The following ITGA1 variants were observed in gnomAD, a reference collection of about 807,000 sequenced individuals.
ITGA1 encodes integrin alpha-1.
A neutral mutation model predicts 145.9 loss-of-function variants in ITGA1; 85 were observed. That is an observed-to-expected ratio of 0.58 (90% CI 0.49 to 0.70). The LOEUF is 0.70. ITGA1 is among the 30% of genes least tolerant of loss of function. The probability of loss-of-function intolerance (pLI) is 0.00; values close to 1 mark genes in which losing one functional copy is unlikely to be tolerated. For synonymous variants in ITGA1, 520 were observed against 495.3 expected (o/e 1.05, Z -0.66); for missense variants, 1,351 against 1,418.7 (o/e 0.95, Z 0.77).
intron 1 of ITGA1, among the ~76,000 whole-genome samples, chr5:52,798,107 CT>C (rs199573378): frequency 6.6e-6 from 1 of 152,168 alleles, no homozygotes; most frequent in African/African-American, 2.4e-5. Context: ...TAACAAGATA[CT>C]TTTTTTAAAA....
chr5:52,851,231 T>C (rs1749426963), intron 2 of ITGA1, among the ~76,000 whole-genome samples: 1 of 152,202 alleles, frequency 6.6e-6, no homozygotes, highest in South Asian at 2.1e-4. Context: ...TCTTATCCAG[T>C]CCTGTCTCTG....
intron 1 of ITGA1, among the ~76,000 whole-genome samples, chr5:52,836,814 A>G (rs1252505533): frequency 6.6e-6 from 1 of 152,164 alleles, no homozygotes; most frequent in Non-Finnish European, 1.5e-5. Context: ...TTGTTGAAAT[A>G]GTTAAGAAAA....
chr5:52,887,362 A>G (rs1156426300), intron 7 of ITGA1, among the ~76,000 whole-genome samples: 3 of 152,136 alleles, frequency 2.0e-5, no homozygotes, highest in Non-Finnish European at 4.4e-5. Flanking sequence ...GAGCCATTCT[A>G]CAAATGTCAG....
At chr5:52,883,534 T>G (rs1373555009) in intron 7 of ITGA1, among the ~76,000 whole-genome samples, 1 of 152,250 alleles carries the variant, frequency 6.6e-6, no homozygotes, top group Non-Finnish European at 1.5e-5. Flanking sequence ...ACATTTTAAT[T>G]GTTTTTTATT....
intron 8 of ITGA1, among the ~76,000 whole-genome samples, chr5:52,888,417 G>C (rs189097299): frequency 6.6e-6 from 1 of 152,124 alleles, no homozygotes; most frequent in Non-Finnish European, 1.5e-5. Context: ...TCCCTTCCCC[G>C]TCTGAGCAAT....
chr5:52,897,481 T>G lies in ITGA1; in HGVS notation c.1117T>G (p.Phe373Val). The G allele has an allele frequency of 6.2e-7, 1 of 1,613,160 alleles. No homozygotes were observed. Among genetic ancestry groups the G allele is most frequent in the Non-Finnish European group, 8.5e-7 (1 of 1,179,266 alleles). ...CACAGCTGACCAGTCAGCAGCTTCA[T>G]TTGAAATGGAAATGTCTCAGACTGG... ...EATADQSAASFEMEMSQTGFS... is the reference protein window; with the variant it reads ...EATADQSAASVEMEMSQTGFS... The change falls in exon 10 of 29, where the codon TTT becomes GTT. Residue 373 changes from phenylalanine to valine, a missense_variant. Physicochemically the swap from Phe to Val is conservative, Grantham distance 50 (BLOSUM62 -1). Transcript: ENST00000282588.
At chr5:52,910,983 GTATACTATATATAGTATGTATACTGTA>G (rs1239132771) in intron 14 of ITGA1, among the ~76,000 whole-genome samples, 1,913 of 66,016 alleles carry the variant, frequency 0.029, 50 homozygotes, top group African/African-American at 0.11. Context: ...TATATAGTAT[GTATACTATATATAGTATGTATACTGTA>G]TATACTATAT....
At chr5:52,909,267 C>A (rs943115806) in intron 13 of ITGA1, among the ~76,000 whole-genome samples, 2 of 151,920 alleles carry the variant, frequency 1.3e-5, no homozygotes, top group Non-Finnish European at 2.9e-5. Context: ...TTATGTTTAA[C>A]AATATATAGG....
At chr5:52,923,138 T>A (rs78462211) in intron 18 of ITGA1, among the ~76,000 whole-genome samples, 2,266 of 152,090 alleles carry the variant, frequency 0.015, 66 homozygotes, top group African/African-American at 0.051. Flanking sequence ...GGCAGGGAGG[T>A]ATATGTAAGC....
At chr5:52,833,048 T>G (rs1440670535) in intron 1 of ITGA1, among the ~76,000 whole-genome samples, 2 of 151,746 alleles carry the variant, frequency 1.3e-5, no homozygotes, top group East Asian at 3.9e-4. Flanking sequence ...AAAAATTAGC[T>G]GGGCATGGTG....
At chr5:52,911,591 CTACTATATATACTATAT>C (rs1750536964) in intron 14 of ITGA1, among the ~76,000 whole-genome samples, 2 of 58,580 alleles carry the variant, frequency 3.4e-5, no homozygotes, top group Non-Finnish European at 7.3e-5. Flanking sequence ...TATAGTGTAT[CTACTATATATACTATAT>C]ATATAGTGTA....
chr5:52,915,783 C>A (rs1445066273), intron 15 of ITGA1, among the ~76,000 whole-genome samples, 189 bp downstream of exon 15: 1 of 152,098 alleles, frequency 6.6e-6, no homozygotes, highest in African/African-American at 2.4e-5. Context: ...ATGAAAGAAA[C>A]AAGTAGAATG....
intron 23 of ITGA1, among the ~76,000 whole-genome samples, 191 bp downstream of exon 23, chr5:52,934,187 C>A (rs1231155074): frequency 6.7e-6 from 1 of 149,406 alleles, no homozygotes; most frequent in African/African-American, 2.4e-5. Context: ...TTATATTTTT[C>A]TTTATAATTT....
chr5:52,905,798 G>A lies in ITGA1; in HGVS notation c.1345G>A (p.Asp449Asn). 1.2e-6 allele frequency: 2 copies of A among 1,613,500 alleles called. No individual in the cohort carries two copies. The highest frequency in any genetic ancestry group is 1.7e-5 in the Admixed American group (1 of 60,010). Reference sequence around the variant, plus strand: ...AAACTCTGCTACTGCTTCTTCTGGAGATGTGCTCTATATTGCTGGACAGCC... The same window carrying A: ...AAACTCTGCTACTGCTTCTTCTGGAAATGTGCTCTATATTGCTGGACAGCC... ...TVNSATASSG[D>N]VLYIAGQPRY... Residue 449 changes from aspartate (D) to asparagine (N), a missense_variant, in exon 12 of 29, where the codon GAT becomes AAT. Physicochemically the swap from Asp to Asn is conservative, Grantham distance 23. Transcript: ENST00000282588.
chr5:52,860,321 G>T (rs1265243294), intron 2 of ITGA1, among the ~76,000 whole-genome samples: 2 of 152,202 alleles, frequency 1.3e-5, no homozygotes, highest in Non-Finnish European at 2.9e-5. Context: ...GCCAAGGTGG[G>T]CGGATCACGT....
At chr5:52,939,311 T>C (rs1390780755) in intron 24 of ITGA1, among the ~76,000 whole-genome samples, 1 of 152,270 alleles carries the variant, frequency 6.6e-6, no homozygotes, top group Admixed American at 6.5e-5. Context: ...AATCACGTAA[T>C]AGTAAGTTCT....
chr5:52,802,627 A>G (rs1358831201), intron 1 of ITGA1: 1 of 152,220 alleles, frequency 6.6e-6, no homozygotes, highest in Non-Finnish European at 1.5e-5. Flanking sequence ...ATTAGTGGCA[A>G]AGCTGGAAGT....
rs573323435 is a variant in ITGA1, at chr5:52,800,018, C to G, written c.61+11604C>G. 475 of 281,350 alleles carry G rather than the reference C, an allele frequency of 1.7e-3. 2 individuals are homozygous for G. The highest frequency in any genetic ancestry group is 0.01 in the African/African-American group (460 of 45,000). 17.4% of individuals were successfully genotyped at this position (281,350 alleles called of 1,614,324 possible). On this transcript the variant is annotated intron_variant, in intron 1 of 28. Coordinates refer to ENST00000282588, the MANE Select transcript of ITGA1 (RefSeq NM_181501.2). The stretch of plus-strand genomic sequence containing the variant: ...ACAGCTTAGTGCGCCTGCGCACGCG[C>G]GAACTGCGGCCCCGCCTCTCCTTTG...
At chr5:52,950,893 A>G (rs1751208470) in intron 28 of ITGA1, among the ~76,000 whole-genome samples, 1 of 152,202 alleles carries the variant, frequency 6.6e-6, no homozygotes, top group African/African-American at 2.4e-5. Flanking sequence ...TGCAGGCACA[A>G]GTTAAGAAGC....
Sources: allele counts gnomAD v4.1 joint callset (sites outside exome capture counted in the v4.1 genomes callset), GRCh38; gene constraint gnomAD v4.1.1; transcripts MANE v1.5; gene names NCBI Gene and HGNC (gene_info 2026-07-23, HGNC 2026-07-21).